The following SCAMP2 variants were observed in gnomAD, a reference collection of about 807,000 sequenced individuals.
The protein encoded by SCAMP2 is secretory carrier-associated membrane protein 2.
Under a neutral mutation model 44.1 loss-of-function variants are expected in SCAMP2, and 25 were observed. The ratio of observed to expected loss-of-function variants is 0.57; its 90% CI spans 0.41 to 0.79. The LOEUF (loss-of-function observed/expected upper bound fraction) is 0.79, where lower values mean the gene tolerates loss of function less well. Ranked by LOEUF, SCAMP2 falls within the 30% of genes least tolerant of loss-of-function variation. SCAMP2 has a pLI of 0.00. For synonymous variants in SCAMP2, 156 were observed against 166.0 expected (o/e 0.94, Z 0.46); for missense variants, 355 against 411.0 (o/e 0.86, Z 1.18).
At chr15:74,872,717 T>C (rs1345615527) in intron 1 of SCAMP2, among the ~76,000 whole-genome samples, 1 of 152,188 alleles carries the variant, frequency 6.6e-6, no homozygotes, top group East Asian at 1.9e-4. Context: ...TACACTAGTT[T>C]GGCTGGTGGT....
At chr15:74,852,296 G>T in intron 3 of SCAMP2, 110 bp from the exon 4 acceptor site, 1 of 724,262 alleles carries the variant, frequency 1.4e-6, no homozygotes, top group Non-Finnish European at 2.1e-6. Context: ...CAGCCATCAA[G>T]GAGTCCCAGA....
chr15:74,845,228 G>C lies in SCAMP2; in HGVS notation c.856-11C>G, dbSNP rs1299466447. ...GTAGAGGGAGTGCACCTGGCGAAGA[G>C]GGGTGGGGTGAGAGAAGCCTGTCCT... On this transcript the variant is annotated splice_polypyrimidine_tract_variant and intron_variant, in intron 8 of 8. Coordinates refer to ENST00000268099, the MANE Select transcript of SCAMP2 (RefSeq NM_005697.5). The C allele has an allele frequency of 6.2e-7, 1 of 1,610,784 alleles. No individual in the cohort carries two copies. The highest frequency in any genetic ancestry group is 8.5e-7 in the Non-Finnish European group (1 of 1,179,676).
intron 1 of SCAMP2, among the ~76,000 whole-genome samples, chr15:74,871,665 T>C (rs945965903): frequency 2.0e-5 from 3 of 151,598 alleles, no homozygotes; most frequent in African/African-American, 4.9e-5. Flanking sequence ...GGAAGGAGAA[T>C]TGCTTGAACC....
intron 7 of SCAMP2, 108 bp downstream of exon 7, chr15:74,848,492 T>C (rs1725444875): frequency 2.9e-6 from 2 of 689,194 alleles, no homozygotes; most frequent in East Asian, 5.5e-5. Context: ...CTCCCCGCCA[T>C]GGGAAAAGCA....
At chr15:74,850,473 G>GCC in intron 6 of SCAMP2, 41 bp downstream of exon 6, 1 of 1,593,112 alleles carries the variant, frequency 6.3e-7, no homozygotes, top group South Asian at 1.1e-5. Flanking sequence ...TACCTGGGAT[G>GCC]CCAGCCATAA....
chr15:74,856,580 TTC>T (rs1461186246), intron 1 of SCAMP2, among the ~76,000 whole-genome samples: 1 of 150,946 alleles, frequency 6.6e-6, no homozygotes, highest in African/African-American at 2.4e-5. Flanking sequence ...TGGCCTCCAG[TTC>T]TTTTTTTTTT....
intron 1 of SCAMP2, among the ~76,000 whole-genome samples, chr15:74,871,483 T>A (rs561390902): frequency 1.3e-4 from 20 of 152,066 alleles, no homozygotes; most frequent in Middle Eastern, 3.4e-3. Context: ...CTGGGCGCAG[T>A]GGTTCATGCC....
chr15:74,860,553 T>C (rs2064496646), intron 1 of SCAMP2, among the ~76,000 whole-genome samples: 1 of 151,920 alleles, frequency 6.6e-6, no homozygotes, highest in Non-Finnish European at 1.5e-5. Flanking sequence ...CTGGGCGTGG[T>C]GGCAGGCGCC....
chr15:74,855,381 C>A (rs968801561), intron 1 of SCAMP2, among the ~76,000 whole-genome samples: 2 of 151,894 alleles, frequency 1.3e-5, no homozygotes, highest in African/African-American at 2.4e-5. Context: ...GGATTACAGG[C>A]GTGAGCCACC....
In SCAMP2 at chr15:74,873,198, C is replaced by A; in HGVS notation, c.57+1G>T. 6.9e-7 allele frequency: 1 copy of A among 1,445,786 alleles called. No homozygotes were observed. The highest frequency in any genetic ancestry group is 9.0e-7 in the Non-Finnish European group (1 of 1,106,014). The allele number at this position is 1,445,786 out of a possible 1,614,324, so 89.6% of individuals were successfully genotyped here. A position where few individuals can be genotyped will look rare whatever the true frequency, so the allele number is the denominator to read the frequency against. On this transcript the variant is annotated splice_donor_variant, in intron 1 of 8. Transcript: ENST00000268099. LOFTEE classifies it high-confidence loss of function. ...GCTGGATGGCGGGAGAGGGGCTCTA[C>A]CTGGAAGGGGTTTACATCCACTGGG...
intron 1 of SCAMP2, among the ~76,000 whole-genome samples, chr15:74,856,884 C>A (rs1229150374): frequency 6.6e-6 from 1 of 152,184 alleles, no homozygotes; most frequent in Non-Finnish European, 1.5e-5. Flanking sequence ...ATGTGAGCCA[C>A]CTTGCCCTGT....
At chr15:74,851,886 C>G (rs953053165) in intron 4 of SCAMP2, 183 bp downstream of exon 4, 1 of 500,618 alleles carries the variant, frequency 2.0e-6, no homozygotes, top group Non-Finnish European at 3.5e-6. Context: ...GCCATTACAA[C>G]TACACTGCAG....
intron 6 of SCAMP2, among the ~76,000 whole-genome samples, chr15:74,849,681 T>C (rs1392420645): frequency 1.3e-5 from 2 of 151,228 alleles, no homozygotes; most frequent in African/African-American, 4.9e-5. Flanking sequence ...GAGGAGGAGG[T>C]TGCAGTGAGC....
Position 74,852,145 on chromosome 15 carries a change from C to A in SCAMP2, c.267G>T (p.Gln89His). ...SAAQAGLLRQ[Q>H]EELDRKAAEL... ...CGGCAGCTTTCCTGTCCAGTTCTTCCTGCTGCCGGAGCAGGCCTGCCTGGG... is the reference window on the plus strand; with the variant it reads ...CGGCAGCTTTCCTGTCCAGTTCTTCATGCTGCCGGAGCAGGCCTGCCTGGG... The change falls in exon 4 of 9, where the codon CAG becomes CAT. Residue 89 changes from glutamine (Q) to histidine (H), a missense_variant. Coordinates refer to ENST00000268099, the MANE Select transcript of SCAMP2 (RefSeq NM_005697.5). The A allele has an allele frequency of 6.3e-7, 1 of 1,585,522 alleles. No homozygotes were observed.
intron 3 of SCAMP2, chr15:74,853,367 C>G (rs1366873716): frequency 4.4e-6 from 2 of 456,116 alleles, no homozygotes; most frequent in Non-Finnish European, 8.8e-6. Flanking sequence ...ATTAGGCCTA[C>G]CTTCGGAAGC....
At chr15:74,855,338 G>A (rs1190549147) in intron 1 of SCAMP2, among the ~76,000 whole-genome samples, 4 of 152,000 alleles carry the variant, frequency 2.6e-5, no homozygotes, top group Non-Finnish European at 4.4e-5. Flanking sequence ...TCTTGACCTC[G>A]TGATCTGCCT....
chr15:74,868,233 C>T (rs1434228539), intron 1 of SCAMP2, among the ~76,000 whole-genome samples: 1 of 152,220 alleles, frequency 6.6e-6, no homozygotes, highest in Non-Finnish European at 1.5e-5. Flanking sequence ...CATATCTTAA[C>T]TTCCCATTCA....
chr15:74,859,432 G>C (rs562902171), intron 1 of SCAMP2, among the ~76,000 whole-genome samples: 1 of 152,060 alleles, frequency 6.6e-6, no homozygotes, highest in Non-Finnish European at 1.5e-5. Flanking sequence ...GAGACACCTC[G>C]GTGGGCTTCA....
chr15:74,847,379 C>G (rs1226670467), intron 7 of SCAMP2, among the ~76,000 whole-genome samples: 2 of 152,214 alleles, frequency 1.3e-5, no homozygotes, highest in Admixed American at 1.3e-4. Context: ...CAGGCATGAG[C>G]CACCGCACCC....
Sources: gnomAD v4.1 joint callset for allele counts (sites outside exome capture counted in the v4.1 genomes callset) on GRCh38, gnomAD v4.1.1 for gene constraint, MANE v1.5 for transcripts, NCBI Gene and HGNC (gene_info 2026-07-23, HGNC 2026-07-21) for gene names.